The following SHROOM3 variants were observed in gnomAD, a reference collection of about 807,000 sequenced individuals.
The protein encoded by SHROOM3 is protein Shroom3.
A neutral mutation model predicts 138.6 loss-of-function variants in SHROOM3; 47 were observed. That is an observed-to-expected ratio of 0.34 (90% CI 0.27 to 0.43). The LOEUF (loss-of-function observed/expected upper bound fraction) is 0.43. Among genes scored for constraint, SHROOM3 ranks in the 20% least tolerant of loss-of-function variants. SHROOM3 has a pLI of 1.00. For synonymous variants in SHROOM3, 1,062 were observed against 1,063.3 expected, an observed-to-expected ratio of 1.00 and a Z score of 0.02; for missense variants, 2,491 against 2,596.5, an observed-to-expected ratio of 0.96 and a Z score of 0.88.
intron 1 of SHROOM3, among the ~76,000 whole-genome samples, chr4:76,517,497 T>C (rs1048479943): frequency 2.0e-5 from 3 of 152,174 alleles, no homozygotes; most frequent in Admixed American, 1.3e-4. Flanking sequence ...TCTTGCTTGG[T>C]TAACTTGTAG....
At chr4:76,772,923 G>A (rs181579531) in intron 10 of SHROOM3, among the ~76,000 whole-genome samples, 70 of 152,238 alleles carry the variant, frequency 4.6e-4, no homozygotes, top group Middle Eastern at 3.4e-3. Flanking sequence ...CAGTTTAGAA[G>A]AACCTCTTAA....
At chr4:76,743,449 A>G (rs748751455) in intron 5 of SHROOM3, among the ~76,000 whole-genome samples, 2 of 152,234 alleles carry the variant, frequency 1.3e-5, no homozygotes. Flanking sequence ...CGATTGATCC[A>G]TCTCTGGCCT....
chr4:76,759,038 G>A (rs1323304964), intron 8 of SHROOM3, among the ~76,000 whole-genome samples: 1 of 152,208 alleles, frequency 6.6e-6, no homozygotes, highest in African/African-American at 2.4e-5. Context: ...ATATGGGATA[G>A]CAGGCACACT....
chr4:76,466,516 A>C (rs572722984), intron 1 of SHROOM3, among the ~76,000 whole-genome samples: 86 of 152,346 alleles, frequency 5.6e-4, no homozygotes, highest in African/African-American at 2.0e-3. Context: ...AACTAAGAGC[A>C]GTGTCTGTAC....
chr4:76,476,337 G>C (rs1443417765), intron 1 of SHROOM3, among the ~76,000 whole-genome samples: 1 of 152,176 alleles, frequency 6.6e-6, no homozygotes, highest in Non-Finnish European at 1.5e-5. Flanking sequence ...AGCCATTTGT[G>C]TTAATTATAT....
intron 2 of SHROOM3, among the ~76,000 whole-genome samples, chr4:76,604,808 G>C (rs998925743): frequency 6.6e-6 from 1 of 152,136 alleles, no homozygotes; most frequent in Non-Finnish European, 1.5e-5. Flanking sequence ...AAGATTTCTA[G>C]GAATTTATTC....
chr4:76,461,752 T>C (rs75652087), intron 1 of SHROOM3, among the ~76,000 whole-genome samples: 403 of 152,300 alleles, frequency 2.6e-3, no homozygotes, highest in African/African-American at 9.2e-3. Context: ...TTAAGATCAA[T>C]AGCTAAGTAC....
intron 2 of SHROOM3, among the ~76,000 whole-genome samples, chr4:76,568,403 A>T (rs1224981328): frequency 6.6e-6 from 1 of 152,184 alleles, no homozygotes; most frequent in African/African-American, 2.4e-5. Context: ...CTGCATTAAG[A>T]GCTGCTGGAC....
chr4:76,599,760 G>A (rs1052379014), intron 2 of SHROOM3, among the ~76,000 whole-genome samples: 20 of 152,194 alleles, frequency 1.3e-4, no homozygotes, highest in Non-Finnish European at 1.8e-4. Context: ...GAGCTGTTAC[G>A]AGGGTTAAGG....
intron 1 of SHROOM3, among the ~76,000 whole-genome samples, chr4:76,522,275 T>G (rs1182614370): frequency 6.7e-6 from 1 of 148,470 alleles, no homozygotes; most frequent in East Asian, 1.9e-4. Context: ...TAAGTATATA[T>G]TATATACTAA....
intron 1 of SHROOM3, among the ~76,000 whole-genome samples, chr4:76,493,236 A>G (rs964050713): frequency 9.2e-5 from 14 of 152,062 alleles, no homozygotes; most frequent in African/African-American, 2.9e-4. Flanking sequence ...AAAAAAAAAA[A>G]AAAAAAAAAA....
chr4:76,596,956 G>A (rs541894705), intron 2 of SHROOM3, among the ~76,000 whole-genome samples: 2 of 152,272 alleles, frequency 1.3e-5, no homozygotes, highest in East Asian at 1.9e-4. Context: ...CGCACCAGCC[G>A]CAATGTGAAC....
At chr4:76,775,639 A>C (rs1012196006) in intron 10 of SHROOM3, among the ~76,000 whole-genome samples, 3 of 151,416 alleles carry the variant, frequency 2.0e-5, no homozygotes, top group Non-Finnish European at 4.4e-5. Flanking sequence ...AAAGGGAACC[A>C]GCCCAAATGC....
intron 10 of SHROOM3, 53 bp downstream of exon 10, chr4:76,770,951 A>G: frequency 6.2e-7 from 1 of 1,607,996 alleles, no homozygotes; most frequent in Non-Finnish European, 8.5e-7. Flanking sequence ...GCCCACATAC[A>G]TAGAGAGGCG....
At position 76,636,936 on chromosome 4, in the gene SHROOM3, A is replaced by G. The variant is rs116471715; in HGVS notation, c.324-73220A>G. On this transcript the variant is annotated intron_variant, in intron 2 of 10. Coordinates refer to ENST00000296043, the MANE Select transcript of SHROOM3 (RefSeq NM_020859.4). ...GTTCACATTTATTTCAATGATTAAT[A>G]TTAGAAGTTCTTTGGTCGTTATTTA... 3.4e-3 allele frequency among the ~76,000 whole-genome samples: 512 copies of G among 152,356 alleles called. 1 individual carries two copies. The highest frequency in any genetic ancestry group is 0.011 in the African/African-American group (468 of 41,580).
intron 2 of SHROOM3, among the ~76,000 whole-genome samples, chr4:76,627,816 G>T (rs921717446): frequency 6.6e-6 from 1 of 152,116 alleles, no homozygotes; most frequent in African/African-American, 2.4e-5. Context: ...GGGACTACGG[G>T]TGTGTGCCAC....
At chr4:76,655,296 A>G (rs1179934146) in intron 2 of SHROOM3, among the ~76,000 whole-genome samples, 1 of 152,160 alleles carries the variant, frequency 6.6e-6, no homozygotes, top group African/African-American at 2.4e-5. Flanking sequence ...TCTTTGTTTA[A>G]TCACTCACCA....
At chr4:76,508,118 C>T (rs72659725) in intron 1 of SHROOM3, among the ~76,000 whole-genome samples, 4,806 of 152,090 alleles carry the variant, frequency 0.032, 92 homozygotes, top group Middle Eastern at 0.065. Context: ...TAATCGTATT[C>T]GAGAAACCAT....
intron 1 of SHROOM3, among the ~76,000 whole-genome samples, chr4:76,460,155 G>A (rs1007588983): frequency 9.2e-5 from 14 of 152,156 alleles, no homozygotes; most frequent in Non-Finnish European, 1.9e-4. Context: ...TTGCCCAAGG[G>A]AAAGTGTTGA....
Sources: gnomAD v4.1 joint callset for allele counts (sites outside exome capture counted in the v4.1 genomes callset) on GRCh38, gnomAD v4.1.1 for gene constraint, MANE v1.5 for transcripts, NCBI Gene and HGNC (gene_info 2026-07-23, HGNC 2026-07-21) for gene names.